Variants in IFT88 observed in about 807,000 individuals in gnomAD.
IFT88 encodes intraflagellar transport 88, also known as intraflagellar transport protein 88 homolog.
In IFT88, 74 loss-of-function variants were observed where a neutral mutation model predicts 119.5. That is an observed-to-expected ratio of 0.62 (90% confidence interval 0.51 to 0.75). The LOEUF is 0.75. Among genes scored for constraint, IFT88 ranks in the 30% least tolerant of loss-of-function variants. IFT88 has a pLI of 0.00. For synonymous variants in IFT88, 279 were observed against 316.7 expected (o/e 0.88, Z 1.26); for missense variants, 961 against 977.7 (o/e 0.98, Z 0.23).
intron 3 of IFT88, among the ~76,000 whole-genome samples, chr13:20,587,138 C>A (rs983508463): frequency 6.6e-6 from 1 of 151,992 alleles, no homozygotes; most frequent in Admixed American, 6.6e-5. Context: ...CAAATGCATT[C>A]TTGAAGAATA....
intron 13 of IFT88, chr13:20,607,196 C>A: frequency 2.5e-6 from 1 of 393,930 alleles, no homozygotes; most frequent in South Asian, 2.0e-5. Context: ...CTGGCGCTTG[C>A]CCCCTGCACC....
intron 24 of IFT88, among the ~76,000 whole-genome samples, chr13:20,683,668 A>G (rs758578633): frequency 6.6e-6 from 1 of 152,166 alleles, no homozygotes; most frequent in Non-Finnish European, 1.5e-5. Flanking sequence ...TGTATCTACC[A>G]ATCCTTTCAT....
Position 20,615,255 on chromosome 13 carries a change from C to G in IFT88, c.1113-538C>G, listed in dbSNP as rs2045410321. On this transcript the variant is annotated intron_variant, in intron 13 of 25. Transcript: ENST00000351808. ...TGACTAAGAGAACTTTTACCCACCA[C>G]TATAAATTGGTATATCCACTTTGAA... is the stretch of plus-strand genomic sequence containing the variant. 2.0e-5 allele frequency among the ~76,000 whole-genome samples: 3 copies of G among 152,194 alleles called. No individual in the cohort carries two copies. The South Asian group carries it at 6.2e-4, about 31-fold the overall frequency.
chr13:20,670,150 T>C (rs2055548315), intron 23 of IFT88, among the ~76,000 whole-genome samples: 1 of 152,238 alleles, frequency 6.6e-6, no homozygotes, highest in Admixed American at 6.5e-5. Context: ...TTATGTCTTA[T>C]GTTTATATTA....
intron 22 of IFT88, among the ~76,000 whole-genome samples, chr13:20,659,816 G>A (rs1210070108): frequency 6.6e-6 from 1 of 151,922 alleles, no homozygotes; most frequent in Non-Finnish European, 1.5e-5. Context: ...GCTAATTTTT[G>A]TAGTTTTAGT....
intron 1 of IFT88, 105 bp from the exon 2 acceptor site, chr13:20,574,275 G>T (rs1168455655): frequency 3.9e-6 from 2 of 516,520 alleles, no homozygotes; most frequent in East Asian, 3.5e-5. Context: ...AGCCGTGATT[G>T]TGCTACTGCA....
intron 2 of IFT88, among the ~76,000 whole-genome samples, chr13:20,574,998 A>G (rs553582250): frequency 1.3e-5 from 2 of 152,206 alleles, no homozygotes; most frequent in South Asian, 2.1e-4. Flanking sequence ...TTTTAAATGT[A>G]CAATTAAATT....
chr13:20,605,083 C>T lies in IFT88; in HGVS notation c.1090C>T (p.Leu364Phe), dbSNP rs772217175. The T allele has an allele frequency of 6.7e-6, 10 of 1,493,624 alleles. No homozygotes were observed. Among genetic ancestry groups the T allele is most frequent in the Non-Finnish European group, 9.3e-6 (10 of 1,077,002 alleles). The allele number at this position is 1,493,624 out of a possible 1,614,324, so 92.5% of individuals were successfully genotyped here. ...LVTEAIKNDH[L>F]RQMERERKAM... ...AACTGAAGCTATAAAAAATGATCAC[C>T]TCAGGCAAATGGAACGTGAAAGGTA... Residue 364 changes from leucine (L) to phenylalanine (F), a missense_variant, in exon 13 of 26, where the codon CTC becomes TTC. By Grantham distance (22) the Leu-to-Phe change is conservative. Coordinates refer to ENST00000351808, the MANE Select transcript of IFT88 (RefSeq NM_006531.5).
intron 15 of IFT88, among the ~76,000 whole-genome samples, chr13:20,627,945 T>C (rs556327296): frequency 1.3e-5 from 2 of 152,352 alleles, no homozygotes; most frequent in East Asian, 3.9e-4. Flanking sequence ...TTACTGATTT[T>C]TTTAAAATGC....
intron 4 of IFT88, among the ~76,000 whole-genome samples, chr13:20,590,163 A>C (rs1449872627): frequency 6.6e-6 from 1 of 152,178 alleles, no homozygotes; most frequent in Non-Finnish European, 1.5e-5. Context: ...CCATTCATAT[A>C]TTTTATGTGA....
At chr13:20,573,945 T>C (rs374760141) in intron 1 of IFT88, among the ~76,000 whole-genome samples, 2 of 152,214 alleles carry the variant, frequency 1.3e-5, no homozygotes, top group Non-Finnish European at 2.9e-5. Context: ...TTTTGGGAAT[T>C]TGATGTGAAA....
chr13:20,596,929 C>A, intron 8 of IFT88, 86 bp from the exon 9 acceptor site: 1 of 681,880 alleles, frequency 1.5e-6, no homozygotes, highest in Non-Finnish European at 2.4e-6. Context: ...AAAATGAATT[C>A]ATCCAACCTT....
chr13:20,601,093 C>T (rs1413160150), intron 11 of IFT88, among the ~76,000 whole-genome samples: 3 of 152,278 alleles, frequency 2.0e-5, no homozygotes, highest in African/African-American at 2.4e-5. Context: ...GGGCCGGGCA[C>T]GGTGCCTCAT....
chr13:20,652,990 G>C (rs984966108), intron 20 of IFT88, among the ~76,000 whole-genome samples: 10 of 152,212 alleles, frequency 6.6e-5, no homozygotes, highest in African/African-American at 2.2e-4. Flanking sequence ...AGATGAGTTG[G>C]AGAAGCAGAA....
At chr13:20,667,150 C>A (rs2054848370) in intron 23 of IFT88, among the ~76,000 whole-genome samples, 1 of 152,266 alleles carries the variant, frequency 6.6e-6, no homozygotes, top group African/African-American at 2.4e-5. Context: ...TAAATGCTTC[C>A]TCTCTTACCT....
At chr13:20,614,983 T>C (rs2045353044) in intron 13 of IFT88, among the ~76,000 whole-genome samples, 1 of 151,960 alleles carries the variant, frequency 6.6e-6, no homozygotes, top group Admixed American at 6.6e-5. Flanking sequence ...ACCTGGCTAA[T>C]TTTTTGTATT....
At chr13:20,674,460 A>G (rs1297992552) in intron 24 of IFT88, among the ~76,000 whole-genome samples, 7 of 152,094 alleles carry the variant, frequency 4.6e-5, no homozygotes, top group Admixed American at 2.6e-4. Context: ...GTATGGTGTT[A>G]TTAAGCTTTC....
At chr13:20,690,682 C>A in intron 24 of IFT88, 23 bp from the exon 25 acceptor site, 1 of 1,424,194 alleles carries the variant, frequency 7.0e-7, no homozygotes, top group Middle Eastern at 1.8e-4. Flanking sequence ...TAAACAAATG[C>A]ATTTTTATTT....
intron 24 of IFT88, among the ~76,000 whole-genome samples, chr13:20,685,556 A>T (rs1260836357): frequency 2.0e-5 from 3 of 152,204 alleles, no homozygotes; most frequent in African/African-American, 7.2e-5. Flanking sequence ...ATGTTTGGAA[A>T]TATTCATCAA....
Sources: allele counts gnomAD v4.1 joint callset (sites outside exome capture counted in the v4.1 genomes callset), GRCh38; gene constraint gnomAD v4.1.1; transcripts MANE v1.5; gene names NCBI Gene and HGNC (gene_info 2026-07-23, HGNC 2026-07-21).